Variants in CAMTA1 observed in about 807,000 individuals in gnomAD.
CAMTA1 encodes calmodulin-binding transcription activator 1.
Under a neutral mutation model 170.9 loss-of-function variants are expected in CAMTA1, and 27 were observed. That is an observed-to-expected ratio of 0.16 (90% CI 0.12 to 0.22). The LOEUF is 0.22. Among genes scored for constraint, CAMTA1 ranks in the 10% least tolerant of loss-of-function variants. The pLI is 1.00. For synonymous variants in CAMTA1, 833 were observed against 891.5 expected, an observed-to-expected ratio of 0.93 and a Z score of 1.17; for missense variants, 1,619 against 2,217.2, an observed-to-expected ratio of 0.73 and a Z score of 5.42.
In CAMTA1 at chr1:7,234,167, G is replaced by A. The variant is rs190548500; in HGVS notation, c.303-15324G>A. Among the ~76,000 whole-genome samples, 569 of 152,132 alleles carry A rather than the reference G, an allele frequency of 3.7e-3. No individual in the cohort carries two copies. The highest frequency in any genetic ancestry group is 0.013 in the African/African-American group (553 of 41,516). Reference sequence around the variant, plus strand: ...ATTACTTGGGGTGAGCCGCTCTCTCGCCCCGTCTCCTGCCCCTGCCCTGTT... The same window carrying A: ...ATTACTTGGGGTGAGCCGCTCTCTCACCCCGTCTCCTGCCCCTGCCCTGTT... On this transcript the variant is annotated intron_variant, in intron 4 of 22. Coordinates refer to ENST00000303635, the MANE Select transcript of CAMTA1 (RefSeq NM_015215.4). This position sits in a 1 kb window ranked among gnomAD's most constrained non-coding sequence, Gnocchi z 5.0.
chr1:7,734,776 T>G (rs2096758864), intron 12 of CAMTA1, among the ~76,000 whole-genome samples: 1 of 152,028 alleles, frequency 6.6e-6, no homozygotes, highest in Non-Finnish European at 1.5e-5. Context: ...CATTTAAAAA[T>G]AAAAATCAGC....
At chr1:7,583,572 G>A (rs1301083363) in intron 6 of CAMTA1, among the ~76,000 whole-genome samples, 2 of 152,148 alleles carry the variant, frequency 1.3e-5, no homozygotes. Context: ...GGACCCAGCA[G>A]TCTTCCCCTG....
In CAMTA1 at chr1:7,674,152, G is replaced by A. The variant is rs903026917; in HGVS notation, c.2779+3115G>A. Among the ~76,000 whole-genome samples, 1 of 152,228 alleles carries A rather than the reference G, an allele frequency of 6.6e-6. No homozygotes were observed. Among genetic ancestry groups the A allele is most frequent in the African/African-American group, 2.4e-5 (1 of 41,452 alleles). ...GGAGGGGGCACTGGCAACACAGTTG[G>A]CCAATGCCCACCCGTCTCCCAACAC... is the stretch of plus-strand genomic sequence containing the variant. On this transcript the variant is annotated intron_variant, in intron 10 of 22. Transcript: ENST00000303635. The surrounding 1 kb of genome is among the most constrained non-coding windows in gnomAD (Gnocchi z 4.1).
intron 3 of CAMTA1, among the ~76,000 whole-genome samples, chr1:6,939,995 A>G (rs1019797065): frequency 1.1e-4 from 16 of 152,280 alleles, no homozygotes; most frequent in Non-Finnish European, 1.8e-4. Context: ...CCTCCAGGCC[A>G]GGGACAGCTC....
chr1:7,279,712 A>G (rs909722108), intron 5 of CAMTA1, among the ~76,000 whole-genome samples: 4 of 152,126 alleles, frequency 2.6e-5, no homozygotes, highest in African/African-American at 9.7e-5. Context: ...CAAAGCCCAC[A>G]GTGTGGGGCT....
chr1:7,344,781 T>C (rs1445338617), intron 5 of CAMTA1, among the ~76,000 whole-genome samples: 1 of 148,750 alleles, frequency 6.7e-6, no homozygotes, highest in East Asian at 2.0e-4. Flanking sequence ...AGAGTCTCGC[T>C]CTGTTGCCCA....
intron 6 of CAMTA1, among the ~76,000 whole-genome samples, chr1:7,499,876 G>T (rs1233305598): frequency 1.4e-5 from 2 of 147,070 alleles, no homozygotes; most frequent in African/African-American, 5.1e-5. Context: ...AGAGGATTGT[G>T]TGAGCCTGGT....
At chr1:7,516,751 C>T (rs913169196) in intron 6 of CAMTA1, among the ~76,000 whole-genome samples, 2 of 152,186 alleles carry the variant, frequency 1.3e-5, no homozygotes, top group Admixed American at 6.5e-5. Flanking sequence ...TTTCCACTCC[C>T]CACAGGCCAG....
At chr1:7,018,543 C>A (rs1488962333) in intron 3 of CAMTA1, among the ~76,000 whole-genome samples, 1 of 152,130 alleles carries the variant, frequency 6.6e-6, no homozygotes, top group East Asian at 1.9e-4. Context: ...CTTCCAAATC[C>A]TCTCTCCCGC....
At chr1:7,321,886 T>C (rs561572903) in intron 5 of CAMTA1, among the ~76,000 whole-genome samples, 8 of 152,198 alleles carry the variant, frequency 5.3e-5, no homozygotes, top group African/African-American at 1.7e-4. Flanking sequence ...CCCTGCTGGG[T>C]TACACCACCA....
At chr1:7,100,587 G>A (rs1173353969) in intron 4 of CAMTA1, among the ~76,000 whole-genome samples, 1 of 152,214 alleles carries the variant, frequency 6.6e-6, no homozygotes, top group East Asian at 1.9e-4. Context: ...TAAGTGCGCA[G>A]CTGCTCAGGG....
intron 6 of CAMTA1, among the ~76,000 whole-genome samples, chr1:7,525,450 T>G (rs527535239): frequency 4.8e-4 from 72 of 150,238 alleles, no homozygotes; most frequent in Non-Finnish European, 8.1e-4. Flanking sequence ...TTGTGTGTGT[T>G]TTTTTTAATC....
At chr1:6,842,793 G>A (rs1656394858) in intron 3 of CAMTA1, among the ~76,000 whole-genome samples, 1 of 152,062 alleles carries the variant, frequency 6.6e-6, no homozygotes, top group Non-Finnish European at 1.5e-5. Flanking sequence ...GCATGGTGGT[G>A]CATGCCTGTA....
At position 6,785,590 on chromosome 1, in the gene CAMTA1, G is replaced by T. The variant is rs1012870310; in HGVS notation, c.45+15G>T. On this transcript the variant is annotated intron_variant, in intron 1 of 22. Transcript: ENST00000303635. ...CAAGCCGGAAGGTAAGAGCCGGAGCGCGAGGGGCTGGGGGGCGGCGCGGCG... is the reference window on the plus strand; with the variant it reads ...CAAGCCGGAAGGTAAGAGCCGGAGCTCGAGGGGCTGGGGGGCGGCGCGGCG... 1 of 1,040,744 alleles carries T rather than the reference G, an allele frequency of 9.6e-7. No homozygotes were observed. The highest frequency in any genetic ancestry group is 1.2e-6 in the Non-Finnish European group (1 of 852,614). The allele number at this position is 1,040,744 out of a possible 1,614,324, so 64.5% of individuals were successfully genotyped here.
chr1:6,864,003 C>T (rs1394760786), intron 3 of CAMTA1, among the ~76,000 whole-genome samples: 2 of 152,122 alleles, frequency 1.3e-5, no homozygotes, highest in East Asian at 1.9e-4. Flanking sequence ...CTGTTTTTCT[C>T]GTGATTAGAC....
In CAMTA1 at chr1:7,664,687, A is replaced by G. The variant is rs1174536251; in HGVS notation, c.2140A>G (p.Ser714Gly). The change falls in exon 9 of 23, where the codon AGC becomes GGC. Residue 714 changes from serine (S) to glycine (G), a missense_variant. Around this residue, in one of 8 missense-constraint regions of CAMTA1, gnomAD observed 731 missense variants for 907.6 expected, o/e 0.81. Coordinates refer to ENST00000303635, the MANE Select transcript of CAMTA1 (RefSeq NM_015215.4). ...CAAGTCTGGGGAGCTGCAGGCTTGC[A>G]GCTCTGAGCACTACCTGCAGCCGGA... ...LLKSGELQACSSEHYLQPETN... is the reference protein window; with the variant it reads ...LLKSGELQACGSEHYLQPETN... The G allele has an allele frequency of 1.6e-5, 26 of 1,606,148 alleles. No individual in the cohort carries two copies. Among genetic ancestry groups the G allele is most frequent in the African/African-American group, 2.7e-5 (2 of 74,788 alleles).
At chr1:7,348,708 G>T (rs907332085) in intron 5 of CAMTA1, among the ~76,000 whole-genome samples, 1 of 152,284 alleles carries the variant, frequency 6.6e-6, no homozygotes, top group East Asian at 1.9e-4. Context: ...GCAGCCACAG[G>T]GGGTGTTCGG....
At chr1:6,968,592 T>C (rs1268509663) in intron 3 of CAMTA1, among the ~76,000 whole-genome samples, 1 of 152,082 alleles carries the variant, frequency 6.6e-6, no homozygotes, top group African/African-American at 2.4e-5. Context: ...AGGCAGTAGT[T>C]AGGATTGTGA....
intron 3 of CAMTA1, among the ~76,000 whole-genome samples, chr1:6,903,907 C>G (rs1028631748): frequency 6.6e-6 from 1 of 152,224 alleles, no homozygotes; most frequent in African/African-American, 2.4e-5. Context: ...TATCTGTACT[C>G]TCCATGGGCA....
Sources: allele counts gnomAD v4.1 joint callset (sites outside exome capture counted in the v4.1 genomes callset), GRCh38; gene constraint gnomAD v4.1.1; regional missense constraint gnomAD v4.1.1; non-coding constraint Gnocchi (gnomAD v3.1); transcripts MANE v1.5; gene names NCBI Gene and HGNC (gene_info 2026-07-23, HGNC 2026-07-21).